The following ADAM19 variants were observed in gnomAD, a reference collection of about 807,000 sequenced individuals.
ADAM19 encodes ADAM metallopeptidase domain 19.
Under a neutral mutation model 114.7 loss-of-function variants are expected in ADAM19, and 65 were observed. That is an observed-to-expected ratio of 0.57 (90% CI 0.46 to 0.70). The LOEUF is 0.70. Ranked by LOEUF, ADAM19 falls within the 30% of genes least tolerant of loss-of-function variation. The pLI, the probability that ADAM19 is intolerant of heterozygous loss-of-function variation, is 0.00. For synonymous variants in ADAM19, 466 were observed against 460.5 expected, an observed-to-expected ratio of 1.01 and a Z score of -0.15; for missense variants, 1,063 against 1,204.7, an observed-to-expected ratio of 0.88 and a Z score of 1.74.
chr5:157,541,349 C>A (rs1223116077), intron 3 of ADAM19, among the ~76,000 whole-genome samples: 1 of 152,244 alleles, frequency 6.6e-6, no homozygotes, highest in Non-Finnish European at 1.5e-5. Flanking sequence ...TCCGCCCACT[C>A]CTTTTTTCTA....
intron 5 of ADAM19, among the ~76,000 whole-genome samples, chr5:157,527,684 A>G (rs1178049281): frequency 3.3e-5 from 5 of 152,216 alleles, no homozygotes; most frequent in Non-Finnish European, 7.3e-5. Context: ...AAACCATATC[A>G]ATTACATATC....
chr5:157,507,168 C>T (rs759911599), intron 9 of ADAM19, 28 bp from the exon 10 acceptor site: 6 of 1,608,456 alleles, frequency 3.7e-6, no homozygotes, highest in Non-Finnish European at 5.1e-6. Context: ...AGACGGTGAC[C>T]GGGGACGAGA....
intron 4 of ADAM19, among the ~76,000 whole-genome samples, chr5:157,536,245 GCGCT>G (rs1311520186): frequency 6.6e-6 from 1 of 152,196 alleles, no homozygotes; most frequent in Non-Finnish European, 1.5e-5. Context: ...TGTAATCTCA[GCGCT>G]TTGGGAGGCT....
intron 5 of ADAM19, among the ~76,000 whole-genome samples, chr5:157,526,317 T>A (rs1188061889): frequency 6.6e-6 from 1 of 152,156 alleles, no homozygotes; most frequent in Non-Finnish European, 1.5e-5. Flanking sequence ...CAACTTTCAC[T>A]TTTTAAAGCT....
chr5:157,499,489 T>A (rs1755479368), intron 13 of ADAM19, 84 bp downstream of exon 13: 2 of 1,218,590 alleles, frequency 1.6e-6, no homozygotes. Context: ...TGGAGGCAAA[T>A]CCCCAGCCAT....
intron 1 of ADAM19, 126 bp downstream of exon 1, chr5:157,575,477 C>T: frequency 6.3e-6 from 4 of 639,824 alleles, no homozygotes; most frequent in South Asian, 3.0e-5. Flanking sequence ...CTGGGGACGG[C>T]GGGGGCGCAG....
intron 3 of ADAM19, among the ~76,000 whole-genome samples, chr5:157,549,667 T>C (rs528022103): frequency 6.6e-6 from 1 of 152,342 alleles, no homozygotes; most frequent in Admixed American, 6.5e-5. Context: ...GTAATCTGTT[T>C]TGGATTATGC....
At chr5:157,487,401 C>G (rs942186896) in intron 21 of ADAM19, among the ~76,000 whole-genome samples, 1 of 152,218 alleles carries the variant, frequency 6.6e-6, no homozygotes, top group Non-Finnish European at 1.5e-5. Flanking sequence ...CTGCAGCCAA[C>G]CCCAGAGTCC....
At position 157,479,244 on chromosome 5, in the gene ADAM19, T is replaced by A; in HGVS notation, c.*1705A>T. On this transcript the variant is annotated 3_prime_UTR_variant, in exon 23 of 23. Coordinates refer to ENST00000257527, the MANE Select transcript of ADAM19 (RefSeq NM_033274.5). Reference sequence around the variant, plus strand: ...CCCAGGCTTTTCCCCCAGGGGTACATCCCGTATTTTCCACTTATTTCCAAA... The same window carrying A: ...CCCAGGCTTTTCCCCCAGGGGTACAACCCGTATTTTCCACTTATTTCCAAA... The A allele has an allele frequency of 1.0e-6, 1 of 985,864 alleles. No individual in the cohort carries two copies. Among genetic ancestry groups the A allele is most frequent in the Non-Finnish European group, 1.2e-6 (1 of 829,946 alleles). The allele number at this position is 985,864 out of a possible 1,614,324, so 61.1% of individuals were successfully genotyped here. A position where few individuals can be genotyped will look rare whatever the true frequency, so the allele number is the denominator to read the frequency against.
At chr5:157,489,208 G>A (rs1194462965) in intron 19 of ADAM19, 22 bp from the exon 20 acceptor site, 1 of 1,559,580 alleles carries the variant, frequency 6.4e-7, no homozygotes, top group Non-Finnish European at 8.8e-7. Flanking sequence ...AAATGGGGGA[G>A]GAAAAGAAAG....
chr5:157,559,167 G>A (rs1757442318), intron 3 of ADAM19, among the ~76,000 whole-genome samples: 1 of 151,950 alleles, frequency 6.6e-6, no homozygotes, highest in Non-Finnish European at 1.5e-5. Flanking sequence ...ACTCACAAAA[G>A]AAAACAAACG....
chr5:157,561,214 C>G (rs1400026724), intron 3 of ADAM19, among the ~76,000 whole-genome samples: 1 of 152,230 alleles, frequency 6.6e-6, no homozygotes, highest in Non-Finnish European at 1.5e-5. Context: ...CCGGCTGCCG[C>G]GCTATTGTAG....
intron 4 of ADAM19, among the ~76,000 whole-genome samples, chr5:157,536,349 C>T (rs1303899879): frequency 1.1e-4 from 16 of 152,052 alleles, no homozygotes; most frequent in Admixed American, 9.2e-4. Flanking sequence ...CAAAATTAGC[C>T]GGGCGCAGTG....
intron 5 of ADAM19, 24 bp downstream of exon 5, chr5:157,530,783 A>AC: frequency 6.2e-7 from 1 of 1,607,544 alleles, no homozygotes; most frequent in Non-Finnish European, 8.5e-7. Context: ...GCCCGGTGCC[A>AC]CCTGCAGCCT....
Position 157,477,543 on chromosome 5 carries a change from G to A in ADAM19, c.*3406C>T. On this transcript the variant is annotated 3_prime_UTR_variant, in exon 23 of 23. Coordinates refer to ENST00000257527, the MANE Select transcript of ADAM19 (RefSeq NM_033274.5). ...GGACGGTGTGAGAGGACGCGTTGGG[G>A]GTGACTTTGGAAATGTGGGCTTGGA... is the stretch of plus-strand genomic sequence containing the variant. 1 of 1,184,374 alleles carries A rather than the reference G, an allele frequency of 8.4e-7. No homozygotes were observed. The highest frequency in any genetic ancestry group is 1.6e-5 in the South Asian group (1 of 63,394). The allele number at this position is 1,184,374 out of a possible 1,614,324, so 73.4% of individuals were successfully genotyped here.
intron 15 of ADAM19, among the ~76,000 whole-genome samples, chr5:157,493,392 C>T (rs1755240523): frequency 6.6e-6 from 1 of 152,284 alleles, no homozygotes; most frequent in African/African-American, 2.4e-5. Context: ...CTGAGCAAAT[C>T]TAGACCAGAG....
At chr5:157,483,637 ATTT>A (rs11376520) in intron 21 of ADAM19, among the ~76,000 whole-genome samples, 3 of 144,950 alleles carry the variant, frequency 2.1e-5, no homozygotes, top group African/African-American at 5.1e-5. Flanking sequence ...TGAACATTCC[ATTT>A]TTTTTTTTTT....
In ADAM19 at chr5:157,490,379, C is replaced by A. The variant is rs143138819; in HGVS notation, c.2171G>T (p.Cys724Phe). 4 of 1,614,142 alleles carry A rather than the reference C, an allele frequency of 2.5e-6. No individual in the cohort carries two copies. Among genetic ancestry groups the A allele is most frequent in the Non-Finnish European group, 2.5e-6 (3 of 1,180,042 alleles). Residue 724 changes from cysteine (C) to phenylalanine (F), a missense_variant, in exon 19 of 23, where the codon TGC (cysteine) becomes TTC (phenylalanine). Physicochemically the swap from Cys to Phe is radical, Grantham distance 205. Around this residue, in one of 3 missense-constraint regions of ADAM19, gnomAD observed 424 missense variants for 445.5 expected, o/e 0.95. Transcript: ENST00000257527. ...LAVLMLMYYC[C>F]RQNNKLGQLK... ...TTGGCCTAGTTTGTTGTTCTGTCTG[C>A]AGCAGTAGTACATCAGCATGAGGAC...
chr5:157,575,643 C>A lies in ADAM19; in HGVS notation c.54G>T (p.Gln18His). ...CCCGCGCCGCCCGCGGCCGGAGGGG[C>A]TGCAGGGCAAACGCCAGCAAGCAGA... The part of the protein sequence containing the change: ...ARLCLLAFAL[Q>H]PLRPRAAREP... The change falls in exon 1 of 23, where the codon CAG (glutamine) becomes CAT (histidine). Residue 18 changes from glutamine to histidine, a missense_variant. By Grantham distance (24) the Gln-to-His change is conservative. Transcript: ENST00000257527. The A allele has an allele frequency of 1.4e-6, 2 of 1,428,080 alleles. No individual in the cohort carries two copies. The highest frequency in any genetic ancestry group is 1.8e-6 in the Non-Finnish European group (2 of 1,097,698). 88.5% of individuals were successfully genotyped at this position (1,428,080 alleles called of 1,614,324 possible).
Sources: gnomAD v4.1 joint callset for allele counts (sites outside exome capture counted in the v4.1 genomes callset) on GRCh38, gnomAD v4.1.1 for gene constraint, gnomAD v4.1.1 regional missense constraint, MANE v1.5 for transcripts, NCBI Gene and HGNC (gene_info 2026-07-23, HGNC 2026-07-21) for gene names.